Variants in VIT observed in about 807,000 individuals in gnomAD.
VIT encodes the protein vitrin.
A neutral mutation model predicts 78.0 loss-of-function variants in VIT; 99 were observed. That is an observed-to-expected ratio of 1.27 (90% CI 1.08 to 1.50). The LOEUF is 1.50. Among genes scored for constraint, VIT ranks in the 40% most tolerant of loss-of-function variants. The pLI is 0.00. For missense variants in VIT, 1,126 were observed against 875.3 expected (o/e 1.29, Z -3.61); for synonymous variants, 374 against 334.3 (o/e 1.12, Z -1.29).
chr2:36,781,172 G>A (rs1240817592), intron 9 of VIT, among the ~76,000 whole-genome samples: 1 of 152,218 alleles, frequency 6.6e-6, no homozygotes, highest in African/African-American at 2.4e-5. Flanking sequence ...TATTTGTTCA[G>A]TGTAGTTCCA....
At chr2:36,728,734 A>AC (rs1667006149) in intron 2 of VIT, among the ~76,000 whole-genome samples, 1 of 27,060 alleles carries the variant, frequency 3.7e-5, no homozygotes, top group African/African-American at 8.9e-5. Context: ...AATGGCGTGA[A>AC]CCCGGGAGGC....
In VIT at chr2:36,715,543, A is replaced by T. The variant is rs577240800; in HGVS notation, c.-18-810A>T. Among the ~76,000 whole-genome samples the T allele has an allele frequency of 7.9e-5, 12 of 152,222 alleles. No homozygotes were observed. The South Asian group carries it at 2.5e-3, about 32-fold the overall frequency. ...AGAGTGAGACTACGTCTAAAAAAAA[A>T]AATAAAAAAAAAAAAGATTTAAGAA... is the stretch of plus-strand genomic sequence containing the variant. On this transcript the variant is annotated intron_variant, in intron 1 of 15. Coordinates refer to ENST00000379242, the MANE Select transcript of VIT (RefSeq NM_053276.4).
At position 36,783,379 on chromosome 2, in the gene VIT, A is replaced by T; in HGVS notation, c.887A>T (p.Glu296Val). 6.2e-7 allele frequency: 1 copy of T among 1,614,152 alleles called. No homozygotes were observed. Among genetic ancestry groups the T allele is most frequent in the Non-Finnish European group, 8.5e-7 (1 of 1,180,012 alleles). Residue 296 changes from glutamate (E) to valine (V), a missense_variant, in exon 11 of 16, where the codon GAG becomes GTG. Transcript: ENST00000379242. ...PKEELSTQSL[E>V]PVSLGDPNCK... is the part of the protein sequence containing the mutation. ...GAAGAATTGAGCACACAGTCTTTGG[A>T]GCCAGTATCCCTGGGAGATCCAAGT...
intron 7 of VIT, among the ~76,000 whole-genome samples, chr2:36,770,828 A>T (rs946880799): frequency 6.6e-6 from 1 of 152,220 alleles, no homozygotes; most frequent in Non-Finnish European, 1.5e-5. Flanking sequence ...TGGTTGCCTC[A>T]GCTGAGCTAG....
chr2:36,698,903 C>T (rs1334065718), intron 1 of VIT, among the ~76,000 whole-genome samples: 1 of 151,498 alleles, frequency 6.6e-6, no homozygotes, highest in African/African-American at 2.4e-5. Flanking sequence ...GAGATCACGC[C>T]ACTACACTCC....
chr2:36,759,031 C>T lies in VIT; in HGVS notation c.472C>T (p.Pro158Ser). ...TCTTACATACTCATCATCGAAAAGT[C>T]CAGCTGCCCAAGCAGGCAAGTGCTC... ...SALTYSSSKS[P>S]AAQAGETTKA... The change falls in exon 6 of 16, where the codon CCA (proline) becomes TCA (serine). Residue 158 changes from proline (P) to serine (S), a missense_variant. By Grantham distance (74) the Pro-to-Ser change is moderately conservative. Transcript: ENST00000379242. 6.2e-7 allele frequency: 1 copy of T among 1,614,026 alleles called. No homozygotes were observed. Among genetic ancestry groups the T allele is most frequent in the East Asian group, 2.2e-5 (1 of 44,862 alleles).
intron 7 of VIT, among the ~76,000 whole-genome samples, chr2:36,771,614 T>G (rs6544038): frequency 0.084 from 12,631 of 151,006 alleles, 1,733 homozygotes; most frequent in African/African-American, 0.29. Context: ...CAACAAAATA[T>G]CATTTCTCAG....
intron 3 of VIT, among the ~76,000 whole-genome samples, chr2:36,730,518 G>C (rs143703033): frequency 5.5e-4 from 84 of 152,254 alleles, no homozygotes; most frequent in African/African-American, 2.0e-3. Context: ...AGTAGGAAGG[G>C]ATGAAGAAGG....
chr2:36,729,375 A>G (rs1667054704), intron 2 of VIT, 51 bp from the exon 3 acceptor site: 1 of 1,493,318 alleles, frequency 6.7e-7, no homozygotes, highest in Non-Finnish European at 9.1e-7. Context: ...AAAGAGAAAG[A>G]ATTTAAGTAA....
chr2:36,757,954 C>A (rs2148558841), intron 5 of VIT, among the ~76,000 whole-genome samples: 1 of 152,174 alleles, frequency 6.6e-6, no homozygotes, highest in Middle Eastern at 3.4e-3. Context: ...GCTTCATGAC[C>A]CTACGATTCC....
chr2:36,724,020 A>T (rs956828821), intron 2 of VIT, among the ~76,000 whole-genome samples: 3 of 150,020 alleles, frequency 2.0e-5, no homozygotes, highest in African/African-American at 7.4e-5. Context: ...GAAACACTGG[A>T]ATTTTTTTTT....
At chr2:36,806,109 C>G (rs1183983100) in intron 14 of VIT, among the ~76,000 whole-genome samples, 1 of 152,152 alleles carries the variant, frequency 6.6e-6, no homozygotes, top group African/African-American at 2.4e-5. Flanking sequence ...GCAGTGAGAT[C>G]GCGTTTTCAG....
At chr2:36,727,233 C>T (rs1402601745) in intron 2 of VIT, among the ~76,000 whole-genome samples, 1 of 152,146 alleles carries the variant, frequency 6.6e-6, no homozygotes, top group Non-Finnish European at 1.5e-5. Flanking sequence ...GACAGCCTCT[C>T]TTCTGAGGCT....
chr2:36,746,835 C>T (rs1668165509), intron 4 of VIT, among the ~76,000 whole-genome samples: 2 of 151,950 alleles, frequency 1.3e-5, no homozygotes, highest in African/African-American at 2.4e-5. Context: ...TTCTTTTCTC[C>T]CACTGGCTTT....
intron 4 of VIT, among the ~76,000 whole-genome samples, chr2:36,748,167 T>C (rs1305331634): frequency 6.6e-6 from 1 of 152,190 alleles, no homozygotes; most frequent in Non-Finnish European, 1.5e-5. Context: ...TCTTTCACTT[T>C]GACCTTGGAG....
chr2:36,727,810 G>A lies in VIT; in HGVS notation c.53-1616G>A, dbSNP rs1659623937. On this transcript the variant is annotated intron_variant, in intron 2 of 15. Coordinates refer to ENST00000379242, the MANE Select transcript of VIT (RefSeq NM_053276.4). ...ACTCACATGTGTGTGGTGATGTTGT[G>A]TAAACAAGCCTACTGAGCCGCCAGC... Among the ~76,000 whole-genome samples, 2 of 152,208 alleles carry A rather than the reference G, an allele frequency of 1.3e-5. 1 individual carries two copies. Among genetic ancestry groups the A allele is most frequent in the South Asian group, 4.1e-4 (2 of 4,832 alleles).
chr2:36,699,835 C>T (rs1354361391), intron 1 of VIT, among the ~76,000 whole-genome samples: 1 of 149,546 alleles, frequency 6.7e-6, no homozygotes, highest in Non-Finnish European at 1.5e-5. Flanking sequence ...CAAAAATGGA[C>T]CTTCCTGTGC....
At chr2:36,750,810 G>C (rs1325711437) in intron 4 of VIT, among the ~76,000 whole-genome samples, 1 of 150,484 alleles carries the variant, frequency 6.6e-6, no homozygotes, top group Non-Finnish European at 1.5e-5. Flanking sequence ...GACAGAACAA[G>C]ACTCTGTCTC....
At chr2:36,741,519 G>C (rs907135218) in intron 3 of VIT, among the ~76,000 whole-genome samples, 1 of 152,126 alleles carries the variant, frequency 6.6e-6, no homozygotes, top group Non-Finnish European at 1.5e-5. Context: ...TAAAACTTCA[G>C]TTCTCTCTCC....
Sources: gnomAD v4.1 joint callset for allele counts (sites outside exome capture counted in the v4.1 genomes callset) on GRCh38, gnomAD v4.1.1 for gene constraint, MANE v1.5 for transcripts, NCBI Gene and HGNC (gene_info 2026-07-23, HGNC 2026-07-21) for gene names.